Variants in PROSER3 observed in about 807,000 individuals in gnomAD.
PROSER3 encodes the protein proline and serine-rich protein 3.
Under a neutral mutation model 50.2 loss-of-function variants are expected in PROSER3, and 33 were observed. The ratio of observed to expected loss-of-function variants is 0.66; its 90% confidence interval spans 0.50 to 0.88. PROSER3 has a LOEUF of 0.88. PROSER3 is among the 40% of genes least tolerant of loss of function. The pLI, the probability that PROSER3 is intolerant of heterozygous loss-of-function variation, is 0.00. For synonymous variants in PROSER3, 266 were observed against 259.3 expected, an observed-to-expected ratio of 1.03 and a Z score of -0.25; for missense variants, 623 against 612.7, an observed-to-expected ratio of 1.02 and a Z score of -0.18.
At chr19:35,759,042 G>A (rs903620629) in intron 1 of PROSER3, 3 of 228,244 alleles carry the variant, frequency 1.3e-5, no homozygotes, top group Admixed American at 5.2e-5. Context: ...CGGAGGCCCA[G>A]CCCCACTAAT....
chr19:35,759,931 G>A lies in PROSER3; in HGVS notation c.251G>A (p.Gly84Glu), dbSNP rs752267528. Residue 84 changes from glycine (G) to glutamate (E), a missense_variant, in exon 3 of 11, where the codon GGA (glycine) becomes GAA (glutamate). Transcript: ENST00000396908. ...CCCTCCCTGCCCAGCACCACTGAGGGACAGATGTGGGCCTCCCCAGCACCC... is the reference window on the plus strand; with the variant it reads ...CCCTCCCTGCCCAGCACCACTGAGGAACAGATGTGGGCCTCCCCAGCACCC... 46 of 1,606,672 alleles carry A rather than the reference G, an allele frequency of 2.9e-5. 1 individual carries two copies. The African/African-American group carries it at 6.2e-4, about 21-fold the overall frequency.
chr19:35,767,911 C>A (rs1240488893), exon 9 of PROSER3: 1 of 1,612,720 alleles, frequency 6.2e-7, no homozygotes, highest in East Asian at 2.2e-5. Flanking sequence ...AGGTCCCACT[C>A]TCTCCAGCTG....
At chr19:35,759,748 G>T in intron 2 of PROSER3, 41 bp from the exon 3 acceptor site, 1 of 1,516,150 alleles carries the variant, frequency 6.6e-7, no homozygotes, top group South Asian at 1.2e-5. Flanking sequence ...TGACCCATGA[G>T]ACCTCACACT....
intron 5 of PROSER3, among the ~76,000 whole-genome samples, chr19:35,763,650 C>T (rs1971037954): frequency 6.6e-6 from 1 of 151,288 alleles, no homozygotes; most frequent in Admixed American, 6.6e-5. Flanking sequence ...ACTACAGGTG[C>T]CTGCCACCAC....
chr19:35,758,389 G>A, intron 1 of PROSER3, 163 bp downstream of exon 1: 1 of 903,144 alleles, frequency 1.1e-6, no homozygotes, highest in Non-Finnish European at 1.6e-6. Context: ...CTCTCCAGCC[G>A]TAGCCGTTAG....
chr19:35,763,309 C>A (rs1420472053), intron 5 of PROSER3, among the ~76,000 whole-genome samples: 3 of 150,448 alleles, frequency 2.0e-5, no homozygotes, highest in Admixed American at 1.3e-4. Flanking sequence ...TCAAGCAATT[C>A]TTCTGCCTCA....
rs1177354601 is a variant in PROSER3, at chr19:35,766,909, G to A, written c.911G>A (p.Gly304Asp). The A allele has an allele frequency of 2.6e-6, 4 of 1,554,210 alleles. No individual in the cohort carries two copies. The Admixed American group carries it at 7.8e-5, about 30-fold the overall frequency. The stretch of plus-strand genomic sequence containing the variant: ...CTTGAACAGGCTCAGGGAAGCAAGG[G>A]TGACAGAGCTTGGGTGCCGCCTCTG... Residue 304 changes from glycine to aspartate, a missense_variant, in exon 8 of 11, where the codon GGT becomes GAT. This residue lies in a region of PROSER3 where 380 missense variants were observed against 346.8 expected (regional missense o/e 1.10). Coordinates refer to ENST00000396908, the Ensembl canonical transcript of PROSER3.
At chr19:35,760,718 C>T (rs1053825083) in intron 3 of PROSER3, among the ~76,000 whole-genome samples, 1 of 151,970 alleles carries the variant, frequency 6.6e-6, no homozygotes, top group Admixed American at 6.6e-5. Flanking sequence ...AACTCCTGAC[C>T]TCAGGTGATC....
chr19:35,759,597 C>G, intron 2 of PROSER3, 127 bp downstream of exon 2: 1 of 1,039,982 alleles, frequency 9.6e-7, no homozygotes, highest in Non-Finnish European at 1.4e-6. Context: ...TGTCCCCTCC[C>G]CACGGCCCTG....
At chr19:35,758,301 G>T in intron 1 of PROSER3, 75 bp downstream of exon 1, 1 of 1,504,664 alleles carries the variant, frequency 6.6e-7, no homozygotes, top group Non-Finnish European at 8.9e-7. Context: ...AGCCTAGGAC[G>T]GGCTGGATAC....
exon 11 of PROSER3, chr19:35,768,440 G>A (rs750781486): frequency 1.3e-6 from 2 of 1,598,056 alleles, no homozygotes; most frequent in Admixed American, 1.7e-5. Context: ...TGTTGGACCA[G>A]GCTGAAGACC....
chr19:35,766,984 G>A (rs1331685325), intron 8 of PROSER3, 29 bp downstream of exon 8: 4 of 1,531,216 alleles, frequency 2.6e-6, no homozygotes, highest in Non-Finnish European at 2.6e-6. Flanking sequence ...GAGCCTGGGG[G>A]GAGCTGGAGG....
intron 3 of PROSER3, 66 bp from the exon 4 acceptor site, chr19:35,761,953 A>G (rs1295021550): frequency 2.7e-6 from 4 of 1,483,378 alleles, no homozygotes; most frequent in Non-Finnish European, 2.7e-6. Context: ...GTTGGCTGCT[A>G]TAATTATTCT....
At chr19:35,759,680 A>G (rs1970889239) in intron 2 of PROSER3, 109 bp from the exon 3 acceptor site, 1 of 1,126,380 alleles carries the variant, frequency 8.9e-7, no homozygotes, top group Non-Finnish European at 1.3e-6. Context: ...TCATTACAGG[A>G]TGTGTTTCCT....
At chr19:35,761,971 A>G in intron 3 of PROSER3, 48 bp from the exon 4 acceptor site, 4 of 1,522,528 alleles carry the variant, frequency 2.6e-6, no homozygotes, top group Non-Finnish European at 3.5e-6. Flanking sequence ...TCTTATTATT[A>G]TTTGGCTCTC....
intron 3 of PROSER3, among the ~76,000 whole-genome samples, chr19:35,760,408 T>C (rs1239220316): frequency 6.6e-6 from 1 of 152,106 alleles, no homozygotes; most frequent in Non-Finnish European, 1.5e-5. Flanking sequence ...CTCCAAAAAG[T>C]GCTGTGATTA....
Position 35,760,011 on chromosome 19 carries a change from G to C in PROSER3, c.311+20G>C. 2 of 1,540,420 alleles carry C rather than the reference G, an allele frequency of 1.3e-6. No individual in the cohort carries two copies. The highest frequency in any genetic ancestry group is 2.5e-5 in the South Asian group (2 of 81,012). On this transcript the variant is annotated intron_variant, in intron 3 of 10. Transcript: ENST00000396908. ...GGCCAAGTAAGTACCAGCAGCCCTG[G>C]GGGAAAAAGAGGCTTTGGGTTAGAG... is the stretch of plus-strand genomic sequence containing the variant.
chr19:35,762,214 ACTC>A (rs768881189), intron 4 of PROSER3, 36 bp from the exon 5 acceptor site: 6 of 1,596,366 alleles, frequency 3.8e-6, no homozygotes, highest in Non-Finnish European at 5.1e-6. Flanking sequence ...CCCAGCAGCC[ACTC>A]CTCCTGGCCC....
intron 1 of PROSER3, chr19:35,758,493 T>C (rs1970844125): frequency 2.5e-6 from 1 of 402,404 alleles, no homozygotes; most frequent in African/African-American, 2.1e-5. Flanking sequence ...GCTTGAGATC[T>C]GAATTTCTTC....
Sources: allele counts gnomAD v4.1 joint callset (sites outside exome capture counted in the v4.1 genomes callset), GRCh38; gene constraint gnomAD v4.1.1; regional missense constraint gnomAD v4.1.1; transcripts MANE v1.5; gene names NCBI Gene and HGNC (gene_info 2026-07-23, HGNC 2026-07-21).